DOCK8: variants seen among roughly 807,000 people sequenced by gnomAD.
DOCK8 encodes dedicator of cytokinesis protein 8.
Under a neutral mutation model 245.6 loss-of-function variants are expected in DOCK8, and 141 were observed. The observed-to-expected ratio is 0.57, with a 90% confidence interval of 0.50 to 0.66. The LOEUF is 0.66. Ranked by LOEUF, DOCK8 falls within the 30% of genes least tolerant of loss-of-function variation. The probability of loss-of-function intolerance (pLI) is 0.00; values close to 1 mark genes in which losing one functional copy is unlikely to be tolerated. For missense variants in DOCK8, 2,965 were observed against 2,603.4 expected, an observed-to-expected ratio of 1.14 and a Z score of -3.02; for synonymous variants, 1,168 against 970.2, an observed-to-expected ratio of 1.20 and a Z score of -3.79.
chr9:344,352 A>G (rs944271693), intron 14 of DOCK8, among the ~76,000 whole-genome samples: 2 of 152,162 alleles, frequency 1.3e-5, no homozygotes, highest in East Asian at 3.8e-4. Flanking sequence ...TCTTGTCTAA[A>G]TATCTTGTTC....
chr9:215,740 T>C (rs1199333407), intron 1 of DOCK8: 2 of 246,868 alleles, frequency 8.1e-6, no homozygotes, highest in African/African-American at 2.2e-5. Flanking sequence ...CTAATCAAAG[T>C]TGCACAAACT....
At chr9:240,924 C>T (rs1487969795) in intron 1 of DOCK8, among the ~76,000 whole-genome samples, 1 of 151,508 alleles carries the variant, frequency 6.6e-6, no homozygotes, top group Non-Finnish European at 1.5e-5. Flanking sequence ...GTGGAAATTA[C>T]CATACACATG....
intron 33 of DOCK8, among the ~76,000 whole-genome samples, chr9:426,591 A>C (rs962713842): frequency 6.6e-5 from 10 of 152,326 alleles, no homozygotes; most frequent in South Asian, 2.1e-4. Flanking sequence ...CTTAATTGCT[A>C]GTAGCAACTA....
At chr9:345,093 A>G (rs1221867821) in intron 14 of DOCK8, among the ~76,000 whole-genome samples, 1 of 152,138 alleles carries the variant, frequency 6.6e-6, no homozygotes, top group Non-Finnish European at 1.5e-5. Flanking sequence ...AGCAGTTCCT[A>G]TTTCTTAATT....
intron 5 of DOCK8, among the ~76,000 whole-genome samples, chr9:305,409 G>A (rs1969948): frequency 0.94 from 141,560 of 151,344 alleles, 66,279 homozygotes; most frequent in African/African-American, 0.97. Flanking sequence ...CAGCCTCCCA[G>A]GTAGCTGGGA....
chr9:388,970 A>G (rs2054071276), intron 23 of DOCK8, among the ~76,000 whole-genome samples: 1 of 152,186 alleles, frequency 6.6e-6, no homozygotes, highest in East Asian at 1.9e-4. Flanking sequence ...GGGTGTTCAA[A>G]TAGCTTTAGC....
chr9:279,826 C>T (rs4741750), intron 2 of DOCK8, among the ~76,000 whole-genome samples: 55,965 of 152,080 alleles, frequency 0.37, 11,228 homozygotes, highest in African/African-American at 0.54. Context: ...GCCTCTTCCC[C>T]GTCCCCACCA....
intron 1 of DOCK8, among the ~76,000 whole-genome samples, chr9:216,547 A>AAAAAAAAAAAAAAAAAAC (rs2046758107): frequency 6.6e-6 from 1 of 151,208 alleles, no homozygotes; most frequent in Non-Finnish European, 1.5e-5. Flanking sequence ...CAAAAAAAAA[A>AAAAAAAAAAAAAAAAAAC]AAAAAAAAGC....
chr9:271,734 G>A lies in DOCK8; in HGVS notation c.156+5G>A. ...GGCTTCCCCTCTCTTCAACTAGTAA[G>A]TATGAGTTCCAGGTTTACTTAGCGA... On this transcript the variant is annotated splice_donor_5th_base_variant and intron_variant, in intron 2 of 47. Transcript: ENST00000432829. 1 of 1,545,386 alleles carries A rather than the reference G, an allele frequency of 6.5e-7. No individual in the cohort carries two copies. The highest frequency in any genetic ancestry group is 2.4e-5 in the East Asian group (1 of 40,876).
intron 1 of DOCK8, among the ~76,000 whole-genome samples, chr9:225,496 A>C (rs1242868385): frequency 6.6e-6 from 1 of 152,182 alleles, no homozygotes; most frequent in East Asian, 1.9e-4. Flanking sequence ...AGAATGGAAA[A>C]AAAGGGCCTG....
At position 353,465 on chromosome 9, in the gene DOCK8, A is replaced by T. The variant is rs78071925; in HGVS notation, c.1679+13144A>T. ...CTTTAAATGGGTAGAGAACTAATAA[A>T]GGATCTACCCCAAATAACCAAAAAT... On this transcript the variant is annotated intron_variant, in intron 14 of 47. Coordinates refer to ENST00000432829, the MANE Select transcript of DOCK8 (RefSeq NM_203447.4). Among the ~76,000 whole-genome samples, 87 of 152,364 alleles carry T rather than the reference A, an allele frequency of 5.7e-4. No individual in the cohort carries two copies. In the East Asian group the frequency reaches 0.017, roughly 29 times the overall value.
intron 33 of DOCK8, among the ~76,000 whole-genome samples, chr9:425,594 G>A (rs936163257): frequency 2.0e-5 from 3 of 148,904 alleles, no homozygotes; most frequent in East Asian, 2.0e-4. Flanking sequence ...TTGATGTTAT[G>A]TGTACTTTAT....
rs2046702403 is a variant in DOCK8, at chr9:214,899, C to T, written c.-78C>T. 6.2e-7 allele frequency: 1 copy of T among 1,602,916 alleles called. No individual in the cohort carries two copies. The highest frequency in any genetic ancestry group is 1.4e-5 in the African/African-American group (1 of 73,618). On this transcript the variant is annotated 5_prime_UTR_variant, in exon 1 of 48. Transcript: ENST00000432829. ...GGTTTGCGCTTGGCTGGGCATGTTC[C>T]GCGGCTACTCTGCGGCGCGCCAGGC...
intron 14 of DOCK8, among the ~76,000 whole-genome samples, chr9:359,958 T>A (rs2052641686): frequency 1.3e-5 from 2 of 152,160 alleles, no homozygotes; most frequent in South Asian, 4.1e-4. Flanking sequence ...TGGTGTTGTA[T>A]CAGAATTGCA....
chr9:296,600 C>G (rs533823893), intron 4 of DOCK8, among the ~76,000 whole-genome samples: 2 of 152,304 alleles, frequency 1.3e-5, no homozygotes, highest in Non-Finnish European at 2.9e-5. Flanking sequence ...AAGTGGTAAA[C>G]AATTAAAATT....
chr9:239,637 A>G (rs969344889), intron 1 of DOCK8, among the ~76,000 whole-genome samples: 3 of 152,220 alleles, frequency 2.0e-5, no homozygotes, highest in Non-Finnish European at 2.9e-5. Flanking sequence ...AAAGCTGTAT[A>G]TATAAATTAT....
chr9:333,359 T>C (rs565226635), intron 10 of DOCK8, among the ~76,000 whole-genome samples: 3 of 152,290 alleles, frequency 2.0e-5, no homozygotes, highest in East Asian at 1.9e-4. Context: ...CCCAGCACTT[T>C]GGGAGGCCAA....
At chr9:393,085 C>CAAAAAAAAAAAAAAA (rs1159933739) in intron 24 of DOCK8, among the ~76,000 whole-genome samples, 4 of 44,744 alleles carry the variant, frequency 8.9e-5, no homozygotes, top group Non-Finnish European at 1.2e-4. Context: ...GACCCTGTCT[C>CAAAAAAAAAAAAAAA]AAAAAAAAAA....
At chr9:440,628 G>A (rs1399202661) in intron 40 of DOCK8, among the ~76,000 whole-genome samples, 1 of 152,198 alleles carries the variant, frequency 6.6e-6, no homozygotes, top group Non-Finnish European at 1.5e-5. Flanking sequence ...TTTAGCATCT[G>A]GCTAGAGGAG....
Sources: gnomAD v4.1 joint callset for allele counts (sites outside exome capture counted in the v4.1 genomes callset) on GRCh38, gnomAD v4.1.1 for gene constraint, MANE v1.5 for transcripts, NCBI Gene and HGNC (gene_info 2026-07-23, HGNC 2026-07-21) for gene names.